TBC1D5: variants seen among roughly 807,000 people sequenced by gnomAD.
The protein encoded by TBC1D5 is TBC1 domain family member 5, also known as TBC1 domain family, member 5.
In TBC1D5, 75 loss-of-function variants were observed where a neutral mutation model predicts 100.3. The observed-to-expected ratio is 0.75, with a 90% CI of 0.62 to 0.91. The LOEUF is 0.91. Among genes scored for constraint, TBC1D5 ranks in the 40% least tolerant of loss-of-function variants. TBC1D5 has a pLI of 0.00. For missense variants in TBC1D5, 910 were observed against 942.4 expected (o/e 0.97, Z 0.45); for synonymous variants, 323 against 325.6 (o/e 0.99, Z 0.09).
chr3:17,238,628 T>C (rs2076068754), intron 16 of TBC1D5, among the ~76,000 whole-genome samples: 1 of 152,220 alleles, frequency 6.6e-6, no homozygotes, highest in South Asian at 2.1e-4. Flanking sequence ...CAGTCTTATT[T>C]ACATTTCATT....
At chr3:17,724,886 G>GTGTA (rs1206211093) in intron 1 of TBC1D5, among the ~76,000 whole-genome samples, 4 of 152,006 alleles carry the variant, frequency 2.6e-5, no homozygotes, top group Non-Finnish European at 4.4e-5. Flanking sequence ...CTAGGTCATT[G>GTGTA]TGTATCTCTT....
chr3:17,429,654 A>T (rs1167441710), intron 3 of TBC1D5, among the ~76,000 whole-genome samples: 3 of 151,932 alleles, frequency 2.0e-5, no homozygotes, highest in South Asian at 2.1e-4. Context: ...ATTATTTTTA[A>T]TTATTGAGTA....
chr3:17,689,394 C>G (rs2070762707), intron 1 of TBC1D5, among the ~76,000 whole-genome samples: 1 of 151,860 alleles, frequency 6.6e-6, no homozygotes, highest in Non-Finnish European at 1.5e-5. Flanking sequence ...AAAAAATTAG[C>G]TAGGCATGGT....
At chr3:17,279,984 C>A (rs1168386622) in intron 15 of TBC1D5, among the ~76,000 whole-genome samples, 2 of 152,158 alleles carry the variant, frequency 1.3e-5, no homozygotes, top group East Asian at 1.9e-4. Flanking sequence ...TCGACTTCTC[C>A]TCCGGAAGAG....
At chr3:17,535,326 T>A (rs1342742145) in intron 2 of TBC1D5, among the ~76,000 whole-genome samples, 2 of 152,198 alleles carry the variant, frequency 1.3e-5, no homozygotes, top group Non-Finnish European at 2.9e-5. Flanking sequence ...GTACAAACAT[T>A]CAGAGGGCAG....
At chr3:17,620,388 A>G (rs1476138724) in intron 2 of TBC1D5, among the ~76,000 whole-genome samples, 2 of 152,240 alleles carry the variant, frequency 1.3e-5, no homozygotes, top group African/African-American at 4.8e-5. Context: ...TAATTGTAAA[A>G]TAGTGGAAAC....
Position 17,374,556 on chromosome 3 carries a change from C to G in TBC1D5, c.753-16G>C, listed in dbSNP as rs745517029. On this transcript the variant is annotated splice_polypyrimidine_tract_variant and intron_variant, in intron 11 of 21. Coordinates refer to ENST00000253692, the Ensembl canonical transcript of TBC1D5. ...GAACACTGCACTAAAAATAAAATAA[C>G]ACAATGCTATGTAACTTTCATTAAA... The G allele has an allele frequency of 2.5e-6, 4 of 1,610,404 alleles. No individual in the cohort carries two copies. In the East Asian group the frequency reaches 9.0e-5, roughly 36 times the overall value.
At chr3:17,691,544 C>T (rs191818297) in intron 1 of TBC1D5, among the ~76,000 whole-genome samples, 30 of 152,272 alleles carry the variant, frequency 2.0e-4, no homozygotes, top group Admixed American at 7.8e-4. Flanking sequence ...TCAGGCCGGG[C>T]GCCGTGGCTC....
chr3:17,464,292 G>A (rs181217075), intron 3 of TBC1D5, among the ~76,000 whole-genome samples: 15 of 152,058 alleles, frequency 9.9e-5, no homozygotes, highest in South Asian at 2.1e-4. Context: ...AGAGTTGCTG[G>A]TTTTCACAAC....
intron 19 of TBC1D5, among the ~76,000 whole-genome samples, chr3:17,169,486 G>A (rs1342947434): frequency 6.6e-6 from 1 of 152,094 alleles, no homozygotes; most frequent in African/African-American, 2.4e-5. Context: ...CATAAACCAG[G>A]GTGATAAGTC....
rs60197286 is a variant in TBC1D5 at position 17,405,033 on chromosome 3, C to T, written c.277-72G>A. The T allele has an allele frequency of 1.4e-3, 1,155 of 829,832 alleles. 3 individuals are homozygous for T. In the African/African-American group the frequency reaches 0.016, roughly 12 times the overall value. The allele number at this position is 829,832 out of a possible 1,614,324, so 51.4% of individuals were successfully genotyped here. On this transcript the variant is annotated intron_variant, in intron 5 of 21. Transcript: ENST00000253692. ...AAATGTGAAACTATGCCAAACTGAACCACCTGAACATTGAAAGACATAATA... is the reference window on the plus strand; with the variant it reads ...AAATGTGAAACTATGCCAAACTGAATCACCTGAACATTGAAAGACATAATA...
chr3:17,677,434 CA>C (rs2068789491), intron 1 of TBC1D5, among the ~76,000 whole-genome samples: 1 of 152,120 alleles, frequency 6.6e-6, no homozygotes, highest in African/African-American at 2.4e-5. Flanking sequence ...AAATGCAAAG[CA>C]AAACCACAAT....
At chr3:17,452,744 T>C (rs181537516) in intron 3 of TBC1D5, among the ~76,000 whole-genome samples, 7 of 152,124 alleles carry the variant, frequency 4.6e-5, no homozygotes, top group African/African-American at 1.4e-4. Context: ...CTTTCAGCAA[T>C]GGAAATATCT....
At chr3:17,557,335 A>G (rs2096528739) in intron 2 of TBC1D5, among the ~76,000 whole-genome samples, 1 of 152,244 alleles carries the variant, frequency 6.6e-6, no homozygotes. Flanking sequence ...TTGCCACACA[A>G]TAGCTTACAT....
In TBC1D5 at chr3:17,566,791, A is replaced by G. The variant is rs571127995; in HGVS notation, c.-36+57058T>C. 1.1e-3 allele frequency among the ~76,000 whole-genome samples: 163 copies of G among 151,982 alleles called. 1 individual carries two copies. The highest frequency in any genetic ancestry group is 3.8e-3 in the African/African-American group (157 of 41,568). Reference sequence around the variant, plus strand: ...ACCAGAAAAATTAATAAAATCTTGAATAAACAAACTTAGAAGGCCTTTCTA... The same window carrying G: ...ACCAGAAAAATTAATAAAATCTTGAGTAAACAAACTTAGAAGGCCTTTCTA... On this transcript the variant is annotated intron_variant, in intron 2 of 21. Coordinates refer to ENST00000253692, the Ensembl canonical transcript of TBC1D5.
intron 4 of TBC1D5, among the ~76,000 whole-genome samples, chr3:17,425,444 T>C (rs1257738405): frequency 1.3e-5 from 2 of 152,144 alleles, no homozygotes; most frequent in Admixed American, 1.3e-4. Flanking sequence ...CCGGGCAACA[T>C]GGTGAAACCC....
At chr3:17,670,512 C>T (rs1486843691) in intron 1 of TBC1D5, among the ~76,000 whole-genome samples, 1 of 152,090 alleles carries the variant, frequency 6.6e-6, no homozygotes, top group Non-Finnish European at 1.5e-5. Context: ...GATCTCACTA[C>T]CTTTTAGGAT....
chr3:17,334,819 C>CA (rs1232564562), intron 13 of TBC1D5, among the ~76,000 whole-genome samples: 24 of 152,228 alleles, frequency 1.6e-4, no homozygotes, highest in African/African-American at 5.8e-4. Flanking sequence ...CAAAAGGATT[C>CA]AGCAAGGTAA....
chr3:17,248,615 A>T (rs891494513), intron 16 of TBC1D5, among the ~76,000 whole-genome samples: 1 of 152,148 alleles, frequency 6.6e-6, no homozygotes, highest in African/African-American at 2.4e-5. Flanking sequence ...AACAACATTA[A>T]TCTCCTTGAT....
Sources: gnomAD v4.1 joint callset for allele counts (sites outside exome capture counted in the v4.1 genomes callset) on GRCh38, gnomAD v4.1.1 for gene constraint, MANE v1.5 for transcripts, NCBI Gene and HGNC (gene_info 2026-07-23, HGNC 2026-07-21) for gene names.